Variants in RGMB observed in about 807,000 individuals in gnomAD.
The protein encoded by RGMB is repulsive guidance molecule BMP co-receptor b.
A neutral mutation model predicts 26.9 loss-of-function variants in RGMB; 16 were observed. The observed-to-expected ratio is 0.60, with a 90% confidence interval of 0.40 to 0.90. RGMB has a LOEUF of 0.90. RGMB is among the 40% of genes least tolerant of loss of function. The pLI is 0.00. For missense variants in RGMB, 512 were observed against 573.3 expected (o/e 0.89, Z 1.09); for synonymous variants, 225 against 229.3 (o/e 0.98, Z 0.17).
upstream of RGMB, chr5:98,773,421 T>G (rs990143496): frequency 2.0e-5 from 3 of 153,412 alleles, no homozygotes; most frequent in Non-Finnish European, 4.3e-5. Context: ...CGAGGCAGCA[T>G]GCGGCGCAGG....
chr5:98,791,153 T>C (rs536797717), intron 2 of RGMB, among the ~76,000 whole-genome samples: 89 of 152,296 alleles, frequency 5.8e-4, no homozygotes, highest in South Asian at 1.2e-3. Context: ...CTTTGGGTTG[T>C]TAAGAAGGTG....
rs372532262 is a variant in RGMB, at chr5:98,774,642, G to C, written c.136+436G>C. ...AGCCTTGTGCTGCTTTTCTGGAGTT[G>C]GGGGTGGCGGCGAGGCGAAGGAAGT... On this transcript the variant is annotated intron_variant, in intron 1 of 2. Coordinates refer to ENST00000513185, the MANE Select transcript of RGMB (RefSeq NM_001366508.1). 4.6e-5 allele frequency among the ~76,000 whole-genome samples: 7 copies of C among 152,360 alleles called. No individual in the cohort carries two copies. In the East Asian group the frequency reaches 1.3e-3, roughly 29 times the overall value.
chr5:98,792,299 A>G (rs1233453341), intron 2 of RGMB, among the ~76,000 whole-genome samples: 1 of 152,180 alleles, frequency 6.6e-6, no homozygotes, highest in Non-Finnish European at 1.5e-5. Flanking sequence ...GTAGGAAGCA[A>G]AGTTCTGTTA....
chr5:98,776,393 C>T (rs1395323576), intron 1 of RGMB, among the ~76,000 whole-genome samples: 1 of 152,152 alleles, frequency 6.6e-6, no homozygotes, highest in Non-Finnish European at 1.5e-5. Flanking sequence ...AAGCAAACCT[C>T]TGCAATTCCT....
rs1320209333 is a variant in RGMB, at chr5:98,793,901, A to G, written c.*148A>G. On this transcript the variant is annotated 3_prime_UTR_variant, in exon 3 of 3. Transcript: ENST00000513185. ...TCCTGGGACACCCACCAGATTGTAC[A>G]TACTGTGTTTGGCTGTTTTCACATA... 19 of 635,656 alleles carry G rather than the reference A, an allele frequency of 3.0e-5. No homozygotes were observed. Among genetic ancestry groups the G allele is most frequent in the African/African-American group, 2.0e-4 (11 of 54,808 alleles). The allele number at this position is 635,656 out of a possible 1,614,324, so 39.4% of individuals were successfully genotyped here.
intron 2 of RGMB, among the ~76,000 whole-genome samples, chr5:98,787,642 C>A (rs994749508): frequency 1.3e-5 from 2 of 152,204 alleles, no homozygotes; most frequent in Non-Finnish European, 2.9e-5. Context: ...ACACAACAGA[C>A]AAGCTAAGGG....
At position 98,794,989 on chromosome 5, in the gene RGMB, C is replaced by G. The variant is rs1470497957; in HGVS notation, c.*1236C>G. On this transcript the variant is annotated 3_prime_UTR_variant, in exon 3 of 3. Coordinates refer to ENST00000513185, the MANE Select transcript of RGMB (RefSeq NM_001366508.1). ...TCTTGTTAACTAAGCATTGTGCTTCCCAGGTGGTCTGAAGTCAGGTACTCT... is the reference window on the plus strand; with the variant it reads ...TCTTGTTAACTAAGCATTGTGCTTCGCAGGTGGTCTGAAGTCAGGTACTCT... The G allele has an allele frequency of 6.6e-6, 1 of 152,156 alleles. No homozygotes were observed. Among genetic ancestry groups the G allele is most frequent in the Non-Finnish European group, 1.5e-5 (1 of 68,030 alleles). 9.4% of individuals were successfully genotyped at this position (152,156 alleles called of 1,614,324 possible).
chr5:98,776,865 TC>T (rs1746430873), intron 1 of RGMB, among the ~76,000 whole-genome samples: 1 of 152,172 alleles, frequency 6.6e-6, no homozygotes, highest in Non-Finnish European at 1.5e-5. Flanking sequence ...GGCGGGCAGA[TC>T]ACCTGAGGTT....
At chr5:98,777,951 C>G (rs529208891) in intron 1 of RGMB, among the ~76,000 whole-genome samples, 1 of 151,958 alleles carries the variant, frequency 6.6e-6, no homozygotes, top group Non-Finnish European at 1.5e-5. Context: ...CCTTTTTGAC[C>G]CAAACACACT....
At chr5:98,769,200 G>C (rs558081911), upstream of RGMB, 1 of 152,354 alleles carries the variant, frequency 6.6e-6, no homozygotes, top group East Asian at 1.9e-4. Context: ...GCCCCCAGCC[G>C]TCCGCAGTGC....
Position 98,793,673 on chromosome 5 carries a change from G to A in RGMB, c.1234G>A (p.Gly412Ser). Residue 412 changes from glycine to serine, a missense_variant, in exon 3 of 3, where the codon GGC (glycine) becomes AGC (serine). Transcript: ENST00000513185. The stretch of plus-strand genomic sequence containing the variant: ...ACGCTGGCACATTTTCCCCAGCAGT[G>A]GCAATGGGACTCCCCGTGGAGGCAG... ...KERWHIFPSS[G>S]NGTPRGGSDL... The A allele has an allele frequency of 6.2e-7, 1 of 1,613,674 alleles. No individual in the cohort carries two copies. The highest frequency in any genetic ancestry group is 8.5e-7 in the Non-Finnish European group (1 of 1,179,742).
At position 98,796,076 on chromosome 5, in the gene RGMB, AT is replaced by A. The variant is rs1431569147; in HGVS notation, c.*2324del. The A allele has an allele frequency of 6.6e-6, 1 of 152,186 alleles. No homozygotes were observed. The highest frequency in any genetic ancestry group is 1.9e-4 in the East Asian group (1 of 5,194). The allele number at this position is 152,186 out of a possible 1,614,324, so 9.4% of individuals were successfully genotyped here. On this transcript the variant is annotated 3_prime_UTR_variant, in exon 3 of 3. Coordinates refer to ENST00000513185, the MANE Select transcript of RGMB (RefSeq NM_001366508.1). ...CCCCACAGATTACTTTCAGAAATAGATGTATTTCTCTACGTAAGGGCCAGGT... is the reference window on the plus strand; with the variant it reads ...CCCCACAGATTACTTTCAGAAATAGAGTATTTCTCTACGTAAGGGCCAGGT...
rs1157450100 is a variant in RGMB, at chr5:98,774,146, T to C, written c.76T>C (p.Cys26Arg). ...TGAGCAGCGCCGCAGCCCCGGGCTC[T>C]GCCCCCCGCCGCTGGAGCTGCTGCT... ...EVEQRRSPGLCPPPLELLLLL... is the reference protein window; with the variant it reads ...EVEQRRSPGLRPPPLELLLLL... The change falls in exon 1 of 3, where the codon TGC becomes CGC. Residue 26 changes from cysteine (C) to arginine (R), a missense_variant. Cys to Arg is a radical substitution (Grantham distance 180). Coordinates refer to ENST00000513185, the MANE Select transcript of RGMB (RefSeq NM_001366508.1). 1.3e-6 allele frequency: 2 copies of C among 1,491,082 alleles called. No individual in the cohort carries two copies. Among genetic ancestry groups the C allele is most frequent in the Non-Finnish European group, 1.8e-6 (2 of 1,124,822 alleles). The allele number at this position is 1,491,082 out of a possible 1,614,324, so 92.4% of individuals were successfully genotyped here.
At chr5:98,788,781 C>T (rs929662321) in intron 2 of RGMB, among the ~76,000 whole-genome samples, 3 of 152,118 alleles carry the variant, frequency 2.0e-5, no homozygotes, top group South Asian at 2.1e-4. Context: ...TCTCTGACTT[C>T]GTAACATTTA....
At chr5:98,777,884 T>C (rs1455710433) in intron 1 of RGMB, among the ~76,000 whole-genome samples, 2 of 152,284 alleles carry the variant, frequency 1.3e-5, no homozygotes, top group Middle Eastern at 3.4e-3. Flanking sequence ...ATTAAAATGT[T>C]TTAATCTTTG....
intron 2 of RGMB, among the ~76,000 whole-genome samples, chr5:98,786,233 C>T (rs1746763346): frequency 6.6e-6 from 1 of 152,178 alleles, no homozygotes; most frequent in African/African-American, 2.4e-5. Flanking sequence ...GAGGAAGAGA[C>T]CTTCAGAATG....
intron 2 of RGMB, among the ~76,000 whole-genome samples, chr5:98,785,352 G>T (rs1484382591): frequency 2.6e-5 from 4 of 152,136 alleles, no homozygotes; most frequent in Admixed American, 6.6e-5. Context: ...GCATTTTCAG[G>T]GTTCTTTTCA....
upstream of RGMB, chr5:98,770,641 GC>G: frequency 1.4e-6 from 2 of 1,435,636 alleles, no homozygotes; most frequent in Admixed American, 2.6e-5. Context: ...ATCCCGCTGA[GC>G]CCCCTCCAGG....
intron 1 of RGMB, among the ~76,000 whole-genome samples, chr5:98,775,993 A>G (rs1288971146): frequency 6.6e-6 from 1 of 152,184 alleles, no homozygotes; most frequent in Non-Finnish European, 1.5e-5. Flanking sequence ...GGACTACTAT[A>G]TGTTTTATGC....
Sources: gnomAD v4.1 joint callset for allele counts (sites outside exome capture counted in the v4.1 genomes callset) on GRCh38, gnomAD v4.1.1 for gene constraint, MANE v1.5 for transcripts, NCBI Gene and HGNC (gene_info 2026-07-23, HGNC 2026-07-21) for gene names.